Variants in TMCC1 observed in about 807,000 individuals in gnomAD.
The protein encoded by TMCC1 is transmembrane and coiled-coil domain family 1, also known as transmembrane and coiled-coil domains protein 1.
Under a neutral mutation model 52.4 loss-of-function variants are expected in TMCC1, and 15 were observed. The observed-to-expected ratio is 0.29, with a 90% CI of 0.19 to 0.44. The LOEUF (loss-of-function observed/expected upper bound fraction) is 0.44. TMCC1 is among the 20% of genes least tolerant of loss of function. The probability of loss-of-function intolerance (pLI) is 1.00; values close to 1 mark genes in which losing one functional copy is unlikely to be tolerated. For synonymous variants in TMCC1, 279 were observed against 301.9 expected (o/e 0.92, Z 0.79); for missense variants, 503 against 806.0 (o/e 0.62, Z 4.55).
At chr3:129,829,016 A>G (rs550150245) in intron 3 of TMCC1, among the ~76,000 whole-genome samples, 4 of 152,362 alleles carry the variant, frequency 2.6e-5, no homozygotes, top group Admixed American at 6.5e-5. Context: ...TGTGGATTTT[A>G]ATGGAAAAGT....
At chr3:129,855,223 T>C (rs1262641136) in intron 2 of TMCC1, among the ~76,000 whole-genome samples, 1 of 152,214 alleles carries the variant, frequency 6.6e-6, no homozygotes, top group Non-Finnish European at 1.5e-5. Flanking sequence ...TTGAATAAAA[T>C]AAAGCAATCT....
intron 2 of TMCC1, among the ~76,000 whole-genome samples, chr3:129,861,754 T>A (rs1221393581): frequency 6.6e-6 from 1 of 152,228 alleles, no homozygotes; most frequent in Non-Finnish European, 1.5e-5. Flanking sequence ...CCTCATACAC[T>A]GCTGGTGGGA....
At chr3:129,720,529 T>C (rs1291514793) in intron 4 of TMCC1, among the ~76,000 whole-genome samples, 1 of 152,092 alleles carries the variant, frequency 6.6e-6, no homozygotes. Context: ...CAGTACCTAC[T>C]ACCAGACACA....
intron 2 of TMCC1, among the ~76,000 whole-genome samples, chr3:129,843,596 G>T (rs1482206958): frequency 6.6e-6 from 1 of 151,892 alleles, no homozygotes; most frequent in East Asian, 1.9e-4. Flanking sequence ...AAGATATTAC[G>T]AACACCTCTA....
intron 4 of TMCC1, among the ~76,000 whole-genome samples, chr3:129,720,642 A>AG (rs2049501823): frequency 6.6e-6 from 1 of 152,190 alleles, no homozygotes; most frequent in Non-Finnish European, 1.5e-5. Flanking sequence ...AGTGGAGCCC[A>AG]GCCCAAATGG....
intron 4 of TMCC1, among the ~76,000 whole-genome samples, chr3:129,818,501 A>T (rs533606166): frequency 1.7e-3 from 52 of 29,788 alleles, no homozygotes; most frequent in African/African-American, 8.9e-3. Context: ...GAAAAGTTTT[A>T]AAGAAACTTT....
At chr3:129,751,065 G>T (rs2052468433) in intron 4 of TMCC1, among the ~76,000 whole-genome samples, 1 of 151,968 alleles carries the variant, frequency 6.6e-6, no homozygotes, top group South Asian at 2.1e-4. Flanking sequence ...GCCAGATGTG[G>T]TGGCACACGC....
In TMCC1 at chr3:129,798,495, T is replaced by C. The variant is rs375591279; in HGVS notation, c.576+29308A>G. On this transcript the variant is annotated intron_variant, in intron 4 of 6. Transcript: ENST00000393238. ...TGATTGATATAAGCAACTAGAATCC[T>C]AAATCATTGCTAAAAGATTCTTCCT... is the stretch of plus-strand genomic sequence containing the variant. Among the ~76,000 whole-genome samples the C allele has an allele frequency of 1.6e-3, 146 of 92,666 alleles. 1 individual carries two copies. Among genetic ancestry groups the C allele is most frequent in the African/African-American group, 5.6e-3 (130 of 23,220 alleles). The allele number at this position is 92,666 out of a possible 152,430, so 60.8% of individuals were successfully genotyped here.
intron 4 of TMCC1, among the ~76,000 whole-genome samples, chr3:129,792,611 C>G (rs368372591): frequency 6.6e-6 from 1 of 152,110 alleles, no homozygotes; most frequent in African/African-American, 2.4e-5. Context: ...CATAACTATT[C>G]GGTTTCTCCT....
At position 129,738,659 on chromosome 3, in the gene TMCC1, T is replaced by C. The variant is rs139878388; in HGVS notation, c.577-67395A>G. Among the ~76,000 whole-genome samples the C allele has an allele frequency of 1.1e-4, 16 of 151,990 alleles. No individual in the cohort carries two copies. In the East Asian group the frequency reaches 2.7e-3, roughly 26 times the overall value. On this transcript the variant is annotated intron_variant, in intron 4 of 6. Coordinates refer to ENST00000393238, the MANE Select transcript of TMCC1 (RefSeq NM_001017395.5). ...GCTACTGCAAGTGAACACTTTTGAG[T>C]TTTCTAGCAACCAAAGCAAAAATGG...
chr3:129,693,830 T>C (rs1235912010), intron 4 of TMCC1, among the ~76,000 whole-genome samples: 4 of 152,200 alleles, frequency 2.6e-5, no homozygotes, highest in African/African-American at 9.6e-5. Flanking sequence ...GAGTTTTCCT[T>C]AACTTATGGC....
At chr3:129,782,336 TTG>T (rs2055601316) in intron 4 of TMCC1, among the ~76,000 whole-genome samples, 1 of 151,960 alleles carries the variant, frequency 6.6e-6, no homozygotes. Flanking sequence ...GAGACTGAGA[TTG>T]AGTGACTAGT....
In TMCC1 at chr3:129,866,816, C is replaced by G. The variant is rs1335451527; in HGVS notation, c.-184+13493G>C. On this transcript the variant is annotated intron_variant, in intron 2 of 6. Coordinates refer to ENST00000393238, the MANE Select transcript of TMCC1 (RefSeq NM_001017395.5). ...ACTGGTTTTATTCACTAAAAACAGG[C>G]AAATTATCACAAAATAATGGTTTGT... Among the ~76,000 whole-genome samples, 7 of 152,214 alleles carry G rather than the reference C, an allele frequency of 4.6e-5. No individual in the cohort carries two copies. The East Asian group carries it at 1.3e-3, about 29-fold the overall frequency.
chr3:129,653,908 G>C (rs1413228777), intron 6 of TMCC1, among the ~76,000 whole-genome samples: 1 of 152,082 alleles, frequency 6.6e-6, no homozygotes, highest in African/African-American at 2.4e-5. Context: ...GACATAAAGT[G>C]CTAATACATT....
At chr3:129,719,678 G>C (rs901674507) in intron 4 of TMCC1, among the ~76,000 whole-genome samples, 9 of 152,208 alleles carry the variant, frequency 5.9e-5, no homozygotes, top group Non-Finnish European at 1.3e-4. Context: ...CTGGTGGGAA[G>C]AAATCTCCAC....
rs542635110 is a variant in TMCC1 at position 129,886,242 on chromosome 3, T to C, written c.-434-5683A>G. ...TTACCCTATCTGGACCAAAATTCTTTATTCTATAAAGACAACAAGAAAATT... is the reference window on the plus strand; with the variant it reads ...TTACCCTATCTGGACCAAAATTCTTCATTCTATAAAGACAACAAGAAAATT... On this transcript the variant is annotated intron_variant, in intron 1 of 6. Transcript: ENST00000393238. 2.6e-5 allele frequency among the ~76,000 whole-genome samples: 4 copies of C among 152,326 alleles called. No individual in the cohort carries two copies. In the South Asian group the frequency reaches 6.2e-4, roughly 24 times the overall value.
chr3:129,655,052 A>T lies in TMCC1; in HGVS notation c.1563T>A (p.Asn521Lys), dbSNP rs2086581962. 6.2e-7 allele frequency: 1 copy of T among 1,613,900 alleles called. No individual in the cohort carries two copies. The highest frequency in any genetic ancestry group is 8.5e-7 in the Non-Finnish European group (1 of 1,179,990). ...GTTCCTGCTTCAAGTTCAAGATTTCATTCTGGTGGAGCTCTGTTAGGTCAT... is the reference window on the plus strand; with the variant it reads ...GTTCCTGCTTCAAGTTCAAGATTTCTTTCTGGTGGAGCTCTGTTAGGTCAT... Reference protein sequence around the residue: ...QLNDLTELHQNEILNLKQELA... With the variant: ...QLNDLTELHQKEILNLKQELA... Residue 521 changes from asparagine to lysine, a missense_variant, in exon 6 of 7, where the codon AAT becomes AAA. Transcript: ENST00000393238.
At chr3:129,857,683 T>G (rs542851826) in intron 2 of TMCC1, among the ~76,000 whole-genome samples, 68 of 152,036 alleles carry the variant, frequency 4.5e-4, no homozygotes, top group African/African-American at 1.6e-3. Flanking sequence ...TGCCTCAGCC[T>G]CCTGAGTAGC....
At chr3:129,868,197 C>G (rs974462411) in intron 2 of TMCC1, among the ~76,000 whole-genome samples, 1 of 152,156 alleles carries the variant, frequency 6.6e-6, no homozygotes, top group African/African-American at 2.4e-5. Context: ...TCTTCCTTTT[C>G]TGGCTATGAA....
Sources: allele counts gnomAD v4.1 joint callset (sites outside exome capture counted in the v4.1 genomes callset), GRCh38; gene constraint gnomAD v4.1.1; transcripts MANE v1.5; gene names NCBI Gene and HGNC (gene_info 2026-07-23, HGNC 2026-07-21).